Variants in CCDC7 observed in about 807,000 individuals in gnomAD.
CCDC7 encodes coiled-coil domain containing 7.
A neutral mutation model predicts 196.9 loss-of-function variants in CCDC7; 183 were observed. The ratio of observed to expected loss-of-function variants is 0.93; its 90% CI spans 0.82 to 1.05. The LOEUF (loss-of-function observed/expected upper bound fraction) is 1.05, where lower values mean the gene tolerates loss of function less well. Ranked by LOEUF, CCDC7 falls within the 50% of genes least tolerant of loss-of-function variation. The pLI is 0.00. For synonymous variants in CCDC7, 525 were observed against 484.6 expected (o/e 1.08, Z -1.10); for missense variants, 1,540 against 1,482.2 (o/e 1.04, Z -0.64).
Position 32,554,685 on chromosome 10 carries a change from C to T in CCDC7, c.1134+10384C>T, listed in dbSNP as rs543981141. On this transcript the variant is annotated intron_variant, in intron 13 of 41. Coordinates refer to ENST00000639629, the Ensembl canonical transcript of CCDC7. ...TATTTGGGGTGTCTCCCAGGTCCTGCAGGAGCTGTCTGCTTCCTTCAGAGG... is the reference window on the plus strand; with the variant it reads ...TATTTGGGGTGTCTCCCAGGTCCTGTAGGAGCTGTCTGCTTCCTTCAGAGG... 2.0e-5 allele frequency among the ~76,000 whole-genome samples: 3 copies of T among 152,346 alleles called. No individual in the cohort carries two copies. The South Asian group carries it at 6.2e-4, about 32-fold the overall frequency.
At chr10:32,798,789 G>T (rs2084165720) in intron 29 of CCDC7, among the ~76,000 whole-genome samples, 1 of 152,162 alleles carries the variant, frequency 6.6e-6, no homozygotes, top group Non-Finnish European at 1.5e-5. Flanking sequence ...TGTCCTTCAG[G>T]GATGTCCTAG....
At chr10:32,541,839 G>C (rs901821074) in intron 11 of CCDC7, among the ~76,000 whole-genome samples, 3 of 152,212 alleles carry the variant, frequency 2.0e-5, no homozygotes, top group Non-Finnish European at 4.4e-5. Flanking sequence ...CCTGTGGAGA[G>C]CTGAATCCCC....
intron 28 of CCDC7, among the ~76,000 whole-genome samples, chr10:32,746,280 G>A (rs1212590989): frequency 1.3e-5 from 2 of 152,134 alleles, no homozygotes; most frequent in African/African-American, 2.4e-5. Flanking sequence ...TTGGGGAAAG[G>A]GTGAGTTAAA....
intron 11 of CCDC7, among the ~76,000 whole-genome samples, chr10:32,520,094 AC>A (rs1184698658): frequency 6.6e-6 from 1 of 152,074 alleles, no homozygotes; most frequent in Non-Finnish European, 1.5e-5. Flanking sequence ...TATGAGTATT[AC>A]GTTTTCTTTT....
At chr10:32,493,521 A>G (rs530788393) in intron 9 of CCDC7, among the ~76,000 whole-genome samples, 77 of 151,960 alleles carry the variant, frequency 5.1e-4, no homozygotes, top group African/African-American at 1.7e-3. Flanking sequence ...TCTACTCAAC[A>G]TGATTTATCC....
chr10:32,590,452 A>AGTTAGTTCTATTTATTTTTATT (rs1484880916), intron 18 of CCDC7, among the ~76,000 whole-genome samples: 1 of 152,100 alleles, frequency 6.6e-6, no homozygotes. Context: ...TGTCTTGGAA[A>AGTTAGTTCTATTTATTTTTATT]GTTGTTGTAG....
rs150437631 is a variant in CCDC7 at position 32,474,024 on chromosome 10, G to A, written c.796+1G>A. 8.1e-6 allele frequency: 13 copies of A among 1,610,568 alleles called. No homozygotes were observed. Among genetic ancestry groups the A allele is most frequent in the Admixed American group, 5.0e-5 (3 of 59,608 alleles). On this transcript the variant is annotated splice_donor_variant, in intron 8 of 41. Coordinates refer to ENST00000639629, the Ensembl canonical transcript of CCDC7. LOFTEE classifies it high-confidence loss of function. ...AAAGATGTTTCTGCAACAGAACCAC[G>A]TAAGTTTCCACTCATTAAAGCATTA...
chr10:32,495,494 G>T (rs1225388651), intron 9 of CCDC7, among the ~76,000 whole-genome samples: 1 of 152,096 alleles, frequency 6.6e-6, no homozygotes, highest in South Asian at 2.1e-4. Context: ...GCATTGCCTA[G>T]GTTTTCTTCT....
At chr10:32,694,837 T>C in intron 23 of CCDC7, 42 bp from the exon 25 acceptor site, 1 of 1,152,964 alleles carries the variant, frequency 8.7e-7, no homozygotes, top group Non-Finnish European at 1.2e-6. Flanking sequence ...TCACAGTAGG[T>C]CTGTTTTTCC....
intron 7 of CCDC7, 87 bp downstream of exon 8, chr10:32,472,629 C>CCAGCATGGG: frequency 8.1e-7 from 1 of 1,230,574 alleles, no homozygotes. Flanking sequence ...GGGTCTCACT[C>CCAGCATGGG]TGTCACCCAT....
At chr10:32,497,865 T>C (rs2043162705) in intron 9 of CCDC7, among the ~76,000 whole-genome samples, 1 of 152,208 alleles carries the variant, frequency 6.6e-6, no homozygotes, top group Non-Finnish European at 1.5e-5. Context: ...AGAATGTATA[T>C]TCTGTTGATT....
chr10:32,653,584 T>C (rs2069183351), intron 20 of CCDC7, among the ~76,000 whole-genome samples: 1 of 152,192 alleles, frequency 6.6e-6, no homozygotes. Context: ...CAATTTGATG[T>C]TCCTGTGGAT....
chr10:32,549,232 C>T lies in CCDC7; in HGVS notation c.1134+4931C>T, dbSNP rs542828325. 5.3e-5 allele frequency among the ~76,000 whole-genome samples: 8 copies of T among 152,090 alleles called. No individual in the cohort carries two copies. In the South Asian group the frequency reaches 1.7e-3, roughly 32 times the overall value. ...TCTTCTTTTGAGAATTGTCTATTCACGTTCTTAGCCCACTTTTTGATGGGA... is the reference window on the plus strand; with the variant it reads ...TCTTCTTTTGAGAATTGTCTATTCATGTTCTTAGCCCACTTTTTGATGGGA... On this transcript the variant is annotated intron_variant, in intron 13 of 41. Transcript: ENST00000639629.
At chr10:32,520,579 T>A (rs2047734175) in intron 11 of CCDC7, among the ~76,000 whole-genome samples, 2 of 152,136 alleles carry the variant, frequency 1.3e-5, no homozygotes, top group Non-Finnish European at 2.9e-5. Flanking sequence ...AGATTTTTTT[T>A]CCTGTGGAGT....
intron 8 of CCDC7, among the ~76,000 whole-genome samples, chr10:32,475,742 T>C (rs2038856042): frequency 6.6e-6 from 1 of 152,308 alleles, no homozygotes; most frequent in East Asian, 1.9e-4. Flanking sequence ...TCTTCTTCTC[T>C]GGCCACACTT....
chr10:32,500,783 G>A (rs562693523), intron 9 of CCDC7, among the ~76,000 whole-genome samples: 58 of 152,354 alleles, frequency 3.8e-4, no homozygotes, highest in African/African-American at 1.1e-3. Flanking sequence ...GCGAGACTCC[G>A]TCTGCAATCC....
At chr10:32,805,939 A>T (rs1385318186) in intron 30 of CCDC7, among the ~76,000 whole-genome samples, 2 of 152,216 alleles carry the variant, frequency 1.3e-5, no homozygotes, top group African/African-American at 4.8e-5. Flanking sequence ...TCACGGCAGA[A>T]AGTAAAGCAG....
At chr10:32,844,125 A>T (rs10827142) in intron 33 of CCDC7, among the ~76,000 whole-genome samples, 20,347 of 151,874 alleles carry the variant, frequency 0.13, 1,667 homozygotes, top group East Asian at 0.25. Flanking sequence ...AGTTGACCCA[A>T]GTCACCCATT....
intron 29 of CCDC7, among the ~76,000 whole-genome samples, chr10:32,802,049 CA>C: frequency 6.6e-6 from 1 of 152,280 alleles, no homozygotes; most frequent in East Asian, 1.9e-4. Context: ...GCAGGTCAGC[CA>C]CTCACAGGAT....
Sources: gnomAD v4.1 joint callset for allele counts (sites outside exome capture counted in the v4.1 genomes callset) on GRCh38, gnomAD v4.1.1 for gene constraint, MANE v1.5 for transcripts, NCBI Gene and HGNC (gene_info 2026-07-23, HGNC 2026-07-21) for gene names.